NR3C2: variants seen among roughly 807,000 people sequenced by gnomAD.
The protein encoded by NR3C2 is nuclear receptor subfamily 3 group C member 2.
In NR3C2, 15 loss-of-function variants were observed where a neutral mutation model predicts 86.4. That is an observed-to-expected ratio of 0.17 (90% CI 0.12 to 0.27). NR3C2 has a LOEUF of 0.27. NR3C2 is among the 10% of genes least tolerant of loss of function. The pLI, the probability that NR3C2 is intolerant of heterozygous loss-of-function variation, is 1.00. For missense variants in NR3C2, 960 were observed against 1,195.6 expected (o/e 0.80, Z 2.91); for synonymous variants, 458 against 450.5 (o/e 1.02, Z -0.21).
At chr4:148,165,733 C>T (rs1734850848) in intron 4 of NR3C2, among the ~76,000 whole-genome samples, 1 of 152,038 alleles carries the variant, frequency 6.6e-6, no homozygotes, top group Non-Finnish European at 1.5e-5. Flanking sequence ...GATAACCAAA[C>T]AAAATAATAA....
chr4:148,192,665 G>C (rs770571918), intron 4 of NR3C2, among the ~76,000 whole-genome samples: 10 of 151,966 alleles, frequency 6.6e-5, no homozygotes, highest in Admixed American at 1.3e-4. Flanking sequence ...TGGCTGCTGT[G>C]GGGGGTGGGG....
At chr4:148,303,273 C>T (rs1742434930) in intron 2 of NR3C2, among the ~76,000 whole-genome samples, 1 of 152,102 alleles carries the variant, frequency 6.6e-6, no homozygotes, top group South Asian at 2.1e-4. Flanking sequence ...TCCTGTGAAC[C>T]AACCAACAAT....
chr4:148,269,294 C>A lies in NR3C2; in HGVS notation c.1758-9177G>T, dbSNP rs1579087587. Among the ~76,000 whole-genome samples, 4 of 152,266 alleles carry A rather than the reference C, an allele frequency of 2.6e-5. No individual in the cohort carries two copies. The South Asian group carries it at 8.3e-4, about 32-fold the overall frequency. ...GACTGTGTGTAGTGTCAACTGCCAA[C>A]AAGAGGACAAGACTGAAGGCTCACC... On this transcript the variant is annotated intron_variant, in intron 2 of 8. Coordinates refer to ENST00000358102, the MANE Select transcript of NR3C2 (RefSeq NM_000901.5).
chr4:148,426,093 C>A (rs1263590786), intron 2 of NR3C2, among the ~76,000 whole-genome samples: 1 of 152,186 alleles, frequency 6.6e-6, no homozygotes, highest in African/African-American at 2.4e-5. Flanking sequence ...TTACTCTGAA[C>A]CTGCCATTTC....
chr4:148,327,286 AAG>A (rs1744019604), intron 2 of NR3C2, among the ~76,000 whole-genome samples: 2 of 152,232 alleles, frequency 1.3e-5, no homozygotes, highest in African/African-American at 2.4e-5. Flanking sequence ...TATTGACAGA[AAG>A]AAATATTTCA....
intron 3 of NR3C2, among the ~76,000 whole-genome samples, chr4:148,199,254 C>T (rs548713196): frequency 2.6e-5 from 4 of 152,040 alleles, no homozygotes; most frequent in East Asian, 1.9e-4. Flanking sequence ...CATTCAGCTC[C>T]GAACCCATCT....
At chr4:148,245,019 C>T (rs1739249091) in intron 3 of NR3C2, among the ~76,000 whole-genome samples, 1 of 152,118 alleles carries the variant, frequency 6.6e-6, no homozygotes, top group South Asian at 2.1e-4. Flanking sequence ...TTCGAAGCAG[C>T]CCCTTACTGA....
chr4:148,271,988 A>G (rs1392315278), intron 2 of NR3C2, among the ~76,000 whole-genome samples: 1 of 152,180 alleles, frequency 6.6e-6, no homozygotes, highest in African/African-American at 2.4e-5. Flanking sequence ...ATTATATATT[A>G]TGAGCAATAA....
rs1446584133 is a variant in NR3C2 at position 148,079,620 on chromosome 4, CAT to C, written c.*1722_*1723del. 7.2e-5 allele frequency: 11 copies of C among 152,512 alleles called. No individual in the cohort carries two copies. Among genetic ancestry groups the C allele is most frequent in the African/African-American group, 1.4e-4 (6 of 41,388 alleles). The allele number at this position is 152,512 out of a possible 1,614,324, so 9.4% of individuals were successfully genotyped here. On this transcript the variant is annotated 3_prime_UTR_variant, in exon 9 of 9. Transcript: ENST00000358102. ...CATATTGTTAGTTTCCCCAAAGATA[CAT>C]ATGTTTGTGATTTGGGGCAAGAGAA...
upstream of NR3C2, chr4:148,442,822 C>G: frequency 1.0e-6 from 1 of 985,444 alleles, no homozygotes; most frequent in Non-Finnish European, 1.2e-6. Context: ...CCGCCCCAAA[C>G]TTGCTTACGT....
chr4:148,207,537 C>T (rs546486098), intron 3 of NR3C2, among the ~76,000 whole-genome samples: 8 of 152,240 alleles, frequency 5.3e-5, no homozygotes, highest in African/African-American at 1.9e-4. Flanking sequence ...AAACTCAGGA[C>T]AAGAGAGGTT....
At position 148,081,262 on chromosome 4, in the gene NR3C2, T is replaced by TA; in HGVS notation, c.*81dup. Reference sequence around the variant, plus strand: ...CAAGTGTGAATCAACCATCACATGTTAAAAACAGGTTTTCTTGGGTCCTTC... The same window carrying TA: ...CAAGTGTGAATCAACCATCACATGTTAAAAAACAGGTTTTCTTGGGTCCTTC... On this transcript the variant is annotated 3_prime_UTR_variant, in exon 9 of 9. Coordinates refer to ENST00000358102, the MANE Select transcript of NR3C2 (RefSeq NM_000901.5). 1 of 1,570,692 alleles carries TA rather than the reference T, an allele frequency of 6.4e-7. No homozygotes were observed. Among genetic ancestry groups the TA allele is most frequent in the Non-Finnish European group, 8.8e-7 (1 of 1,142,158 alleles).
chr4:148,350,523 C>A (rs1359154258), intron 2 of NR3C2, among the ~76,000 whole-genome samples: 1 of 152,142 alleles, frequency 6.6e-6, no homozygotes, highest in Non-Finnish European at 1.5e-5. Context: ...ACTACATTTC[C>A]AAATTACACC....
intron 3 of NR3C2, among the ~76,000 whole-genome samples, chr4:148,246,872 A>G (rs1156540185): frequency 2.0e-5 from 3 of 152,212 alleles, no homozygotes; most frequent in Non-Finnish European, 4.4e-5. Context: ...TAATTTTAAA[A>G]GGGAAGTTGC....
At chr4:148,292,687 C>G (rs1365822607) in intron 2 of NR3C2, among the ~76,000 whole-genome samples, 4 of 152,004 alleles carry the variant, frequency 2.6e-5, no homozygotes, top group African/African-American at 9.7e-5. Flanking sequence ...AATCAGAATA[C>G]AGAGTATTAA....
chr4:148,378,763 C>T (rs945733657), intron 2 of NR3C2, among the ~76,000 whole-genome samples: 2 of 152,166 alleles, frequency 1.3e-5, no homozygotes, highest in African/African-American at 4.8e-5. Flanking sequence ...CCAATTAAAC[C>T]TCTTTTCTTT....
intron 2 of NR3C2, among the ~76,000 whole-genome samples, chr4:148,273,464 G>T (rs548389977): frequency 5.9e-5 from 9 of 152,234 alleles, no homozygotes; most frequent in Non-Finnish European, 1.3e-4. Flanking sequence ...AAAGATTATG[G>T]TCGCTAAATT....
intron 2 of NR3C2, among the ~76,000 whole-genome samples, chr4:148,413,910 G>C (rs985127997): frequency 2.0e-5 from 3 of 152,072 alleles, no homozygotes; most frequent in African/African-American, 7.2e-5. Context: ...TAAAATGCAA[G>C]ATGTATACAT....
chr4:148,109,667 G>A (rs1190892807), intron 8 of NR3C2, among the ~76,000 whole-genome samples: 3 of 152,190 alleles, frequency 2.0e-5, no homozygotes, highest in Admixed American at 1.3e-4. Context: ...AAAGTTGTGT[G>A]CATGTGTCCT....
Sources: allele counts gnomAD v4.1 joint callset (sites outside exome capture counted in the v4.1 genomes callset), GRCh38; gene constraint gnomAD v4.1.1; transcripts MANE v1.5; gene names NCBI Gene and HGNC (gene_info 2026-07-23, HGNC 2026-07-21).